Variants in ABCA9 observed in about 807,000 individuals in gnomAD.
ABCA9 encodes ATP binding cassette subfamily A member 9, also known as ATP-binding cassette sub-family A member 9.
ABCA9 carries 183 observed loss-of-function variants against 205.3 expected under a neutral mutation model. The ratio of observed to expected loss-of-function variants is 0.89; its 90% confidence interval spans 0.79 to 1.01. ABCA9 has a LOEUF of 1.01. Among genes scored for constraint, ABCA9 ranks in the 50% least tolerant of loss-of-function variants. The pLI is 0.00. For synonymous variants in ABCA9, 651 were observed against 683.3 expected (o/e 0.95, Z 0.74); for missense variants, 1,805 against 1,912.4 (o/e 0.94, Z 1.05).
In ABCA9 at chr17:69,043,970, T is replaced by A. The variant is rs9906097; in HGVS notation, c.574-255A>T. 9.1e-3 allele frequency among the ~76,000 whole-genome samples: 1,386 copies of A among 152,254 alleles called. 30 individuals are homozygous for A. The highest frequency in any genetic ancestry group is 0.032 in the African/African-American group (1,328 of 41,546). On this transcript the variant is annotated intron_variant, in intron 5 of 38. Coordinates refer to ENST00000340001, the MANE Select transcript of ABCA9 (RefSeq NM_080283.4). ...CTGAAATGTCACTTCAATTAGCAAA[T>A]TTTCCCTGATGTTTCTTATCAGAGT...
intron 25 of ABCA9, among the ~76,000 whole-genome samples, chr17:68,997,150 C>T (rs1320059155): frequency 6.6e-6 from 1 of 152,156 alleles, no homozygotes; most frequent in Non-Finnish European, 1.5e-5. Context: ...AGGCTGGTCT[C>T]GAACTCCTGA....
intron 34 of ABCA9, 101 bp downstream of exon 34, chr17:68,984,784 T>C: frequency 6.7e-7 from 1 of 1,481,618 alleles, no homozygotes; most frequent in Non-Finnish European, 9.2e-7. Flanking sequence ...TTGCTTTTCC[T>C]GATACTGTGT....
intron 28 of ABCA9, among the ~76,000 whole-genome samples, chr17:68,991,573 C>T (rs1449735358): frequency 6.6e-6 from 1 of 152,156 alleles, no homozygotes; most frequent in Admixed American, 6.5e-5. Context: ...TGTTGGTTTC[C>T]TAAAACATGG....
chr17:69,033,165 G>A (rs2071210092), intron 9 of ABCA9: 1 of 152,188 alleles, frequency 6.6e-6, no homozygotes, highest in African/African-American at 2.4e-5. Flanking sequence ...AAATTAGCCA[G>A]GCATGGTGGG....
chr17:69,042,228 T>G (rs908317216), intron 6 of ABCA9: 4 of 152,238 alleles, frequency 2.6e-5, no homozygotes, highest in African/African-American at 9.6e-5. Context: ...CAACTGACAC[T>G]TAATATTGAG....
intron 25 of ABCA9, among the ~76,000 whole-genome samples, chr17:68,999,682 G>C (rs1567928023): frequency 6.6e-6 from 1 of 152,004 alleles, no homozygotes; most frequent in Non-Finnish European, 1.5e-5. Context: ...TCTAGTTCTA[G>C]ATCCCTGAGG....
At chr17:69,070,168 A>G in the ABCA9 span, among the ~76,000 whole-genome samples, 3 of 152,204 alleles carry the variant, frequency 2.0e-5, no homozygotes, top group South Asian at 6.2e-4. Flanking sequence ...AGATACAATT[A>G]TATCTGTAAA....
At chr17:69,012,923 C>CAACT (rs910325022) in intron 22 of ABCA9, among the ~76,000 whole-genome samples, 29 of 151,984 alleles carry the variant, frequency 1.9e-4, no homozygotes, top group African/African-American at 7.0e-4. Context: ...TCCATGAGTT[C>CAACT]AACTGTTTTA....
chr17:68,980,409 A>G (rs1053825750), intron 37 of ABCA9, among the ~76,000 whole-genome samples: 2 of 152,020 alleles, frequency 1.3e-5, no homozygotes, highest in African/African-American at 4.8e-5. Context: ...TAGAAATACC[A>G]TTTGACCCAG....
intron 27 of ABCA9, chr17:68,992,606 A>G: frequency 1.4e-5 from 3 of 214,698 alleles, no homozygotes; most frequent in Admixed American, 5.4e-5. Flanking sequence ...ATGAGGTCGG[A>G]AGTTCGAGAC....
rs571488917 is a variant in ABCA9, at chr17:69,023,755, C to T, written c.2281+459G>A. On this transcript the variant is annotated intron_variant, in intron 17 of 38. Coordinates refer to ENST00000340001, the MANE Select transcript of ABCA9 (RefSeq NM_080283.4). The surrounding 1 kb of genome is among the most constrained non-coding windows in gnomAD (Gnocchi z 4.2). ...ACATTGAAGTGTTTGGCAGAATGCA[C>T]GCCAATCCAAGTTATGTTCAATAAC... 3.7e-4 allele frequency among the ~76,000 whole-genome samples: 57 copies of T among 152,026 alleles called. No homozygotes were observed. Among genetic ancestry groups the T allele is most frequent in the Non-Finnish European group, 6.9e-4 (47 of 68,004 alleles).
intron 29 of ABCA9, 54 bp from the exon 30 acceptor site, chr17:68,989,984 G>T: frequency 8.2e-6 from 10 of 1,216,046 alleles, no homozygotes; most frequent in African/African-American, 3.0e-5. Flanking sequence ...GAACTGAGAG[G>T]GTGTTCCACA....
At chr17:69,014,004 G>T (rs886116501) in intron 22 of ABCA9, among the ~76,000 whole-genome samples, 1 of 152,118 alleles carries the variant, frequency 6.6e-6, no homozygotes, top group Non-Finnish European at 1.5e-5. Flanking sequence ...TCTTTTTAAA[G>T]GTGGGAATTC....
Position 69,016,267 on chromosome 17 carries a change from T to G in ABCA9, c.3025A>C (p.Ser1009Arg). 2 of 1,579,016 alleles carry G rather than the reference T, an allele frequency of 1.3e-6. No individual in the cohort carries two copies. Among genetic ancestry groups the G allele is most frequent in the Non-Finnish European group, 1.7e-6 (2 of 1,167,760 alleles). Residue 1009 changes from serine to arginine, a missense_variant, in exon 22 of 39, where the codon AGC (serine) becomes CGC (arginine). Ser to Arg is a moderately radical substitution (Grantham distance 110). Coordinates refer to ENST00000340001, the MANE Select transcript of ABCA9 (RefSeq NM_080283.4). ...ATTATACTTACTTCAAAAAATGTGC[T>G]TCTGTCAGTCTGAATGTGTTCTGAC... ...NSSEHIQTDRSTFFEEHMDYE... is the reference protein window; with the variant it reads ...NSSEHIQTDRRTFFEEHMDYE...
intron 25 of ABCA9, among the ~76,000 whole-genome samples, chr17:68,999,411 A>C (rs1212647025): frequency 1.4e-5 from 2 of 143,020 alleles, no homozygotes; most frequent in African/African-American, 5.3e-5. Context: ...TTTACTGAGA[A>C]TGATGGTTTC....
intron 16 of ABCA9, 118 bp from the exon 17 acceptor site, chr17:69,024,471 G>T (rs1229057627): frequency 2.3e-5 from 22 of 976,644 alleles, no homozygotes; most frequent in Non-Finnish European, 3.1e-5. Context: ...AAAATGTGTA[G>T]TTTACTGGAC....
chr17:68,990,032 A>C (rs2144023289), intron 29 of ABCA9, 102 bp from the exon 30 acceptor site: 1 of 797,898 alleles, frequency 1.3e-6, no homozygotes, highest in Non-Finnish European at 2.1e-6. Context: ...AAAATCATGA[A>C]TCAAACCACT....
At chr17:68,989,741 A>T in intron 30 of ABCA9, 72 bp downstream of exon 30, 1 of 907,894 alleles carries the variant, frequency 1.1e-6, no homozygotes, top group Non-Finnish European at 1.7e-6. Context: ...CCAGATTCAG[A>T]TACTCTTATT....
chr17:69,055,284 A>T (rs1194173056), intron 1 of ABCA9, among the ~76,000 whole-genome samples: 1 of 152,246 alleles, frequency 6.6e-6, no homozygotes, highest in Non-Finnish European at 1.5e-5. Context: ...AGACACATAT[A>T]GATTAAAAGT....
Sources: allele counts gnomAD v4.1 joint callset (sites outside exome capture counted in the v4.1 genomes callset), GRCh38; gene constraint gnomAD v4.1.1; non-coding constraint Gnocchi (gnomAD v3.1); transcripts MANE v1.5; gene names NCBI Gene and HGNC (gene_info 2026-07-23, HGNC 2026-07-21).